Variants in SLC25A21 observed in about 807,000 individuals in gnomAD.
SLC25A21 encodes solute carrier family 25 member 21.
A neutral mutation model predicts 43.8 loss-of-function variants in SLC25A21; 47 were observed. The ratio of observed to expected loss-of-function variants is 1.07; its 90% CI spans 0.85 to 1.37. The LOEUF (loss-of-function observed/expected upper bound fraction) is 1.37, where lower values mean the gene tolerates loss of function less well. Ranked by LOEUF, SLC25A21 falls within the 40% of genes most tolerant of loss-of-function variation. The pLI, the probability that SLC25A21 is intolerant of heterozygous loss-of-function variation, is 0.00. For synonymous variants in SLC25A21, 131 were observed against 121.3 expected, an observed-to-expected ratio of 1.08 and a Z score of -0.52; for missense variants, 352 against 350.2, an observed-to-expected ratio of 1.00 and a Z score of -0.04.
At chr14:36,816,975 T>TA (rs1566643065) in intron 2 of SLC25A21, among the ~76,000 whole-genome samples, 4 of 152,028 alleles carry the variant, frequency 2.6e-5, no homozygotes, top group Non-Finnish European at 4.4e-5. Context: ...AACTGTTCTT[T>TA]AAAAAAATAT....
chr14:37,076,736 G>A (rs986008912), intron 1 of SLC25A21, among the ~76,000 whole-genome samples: 27 of 151,912 alleles, frequency 1.8e-4, no homozygotes, highest in African/African-American at 6.0e-4. Flanking sequence ...TGCCCACCTC[G>A]GCCTCCCAAA....
chr14:37,141,582 T>A (rs1259481306), intron 1 of SLC25A21, among the ~76,000 whole-genome samples: 1 of 152,222 alleles, frequency 6.6e-6, no homozygotes, highest in Non-Finnish European at 1.5e-5. Flanking sequence ...TCTCACACAT[T>A]CAAATTTGAG....
At position 36,679,501 on chromosome 14, in the gene SLC25A21, T is replaced by C; in HGVS notation, c.*1157A>G. 1.0e-6 allele frequency: 1 copy of C among 985,428 alleles called. No individual in the cohort carries two copies. Among genetic ancestry groups the C allele is most frequent in the South Asian group, 4.7e-5 (1 of 21,290 alleles). The allele number at this position is 985,428 out of a possible 1,614,324, so 61.0% of individuals were successfully genotyped here. On this transcript the variant is annotated 3_prime_UTR_variant, in exon 10 of 10. Transcript: ENST00000331299. ...TGTTGACTTTACTGAATCAGCATCA[T>C]CTCTGGATGCAGATATAAAATCAAG... is the stretch of plus-strand genomic sequence containing the variant.
At chr14:36,816,962 T>G in intron 2 of SLC25A21, among the ~76,000 whole-genome samples, 1 of 132,206 alleles carries the variant, frequency 7.6e-6, no homozygotes, top group South Asian at 2.7e-4. Flanking sequence ...AAGACTCTTC[T>G]CTAACTGTTC....
At chr14:36,893,553 T>C (rs1324324260) in intron 1 of SLC25A21, among the ~76,000 whole-genome samples, 1 of 152,226 alleles carries the variant, frequency 6.6e-6, no homozygotes. Flanking sequence ...TTTAATTAGA[T>C]CCCATTTGTC....
At chr14:36,944,791 CCAAA>C (rs758426310) in intron 1 of SLC25A21, among the ~76,000 whole-genome samples, 14 of 152,138 alleles carry the variant, frequency 9.2e-5, no homozygotes, top group South Asian at 8.3e-4. Flanking sequence ...ACCTCAAAAG[CCAAA>C]CAAACACTGA....
intron 1 of SLC25A21, among the ~76,000 whole-genome samples, chr14:37,085,699 C>T (rs1962470957): frequency 6.6e-6 from 1 of 152,210 alleles, no homozygotes; most frequent in African/African-American, 2.4e-5. Flanking sequence ...ATTCACTCGA[C>T]TGAAGTGTAG....
At chr14:37,123,577 TA>T (rs1963248263) in intron 1 of SLC25A21, among the ~76,000 whole-genome samples, 1 of 152,156 alleles carries the variant, frequency 6.6e-6, no homozygotes, top group African/African-American at 2.4e-5. Flanking sequence ...TTTAATTAAA[TA>T]AATTATGGCA....
chr14:37,102,404 A>G (rs186626619), intron 1 of SLC25A21, among the ~76,000 whole-genome samples: 64 of 151,508 alleles, frequency 4.2e-4, no homozygotes, highest in African/African-American at 9.7e-5. Context: ...GATCATGCCA[A>G]TGCACTCCAG....
intron 3 of SLC25A21, among the ~76,000 whole-genome samples, chr14:36,736,807 T>C (rs1885060332): frequency 6.6e-6 from 1 of 152,210 alleles, no homozygotes; most frequent in African/African-American, 2.4e-5. Flanking sequence ...TTGAAAGGTG[T>C]GTGTTAAGGA....
At chr14:36,713,752 G>A (rs1201689519) in intron 6 of SLC25A21, among the ~76,000 whole-genome samples, 1 of 152,134 alleles carries the variant, frequency 6.6e-6, no homozygotes, top group Admixed American at 6.6e-5. Flanking sequence ...GGGAGGCGGA[G>A]GCAGGAGGAG....
chr14:37,111,837 T>C (rs1963024334), intron 1 of SLC25A21, among the ~76,000 whole-genome samples: 1 of 152,212 alleles, frequency 6.6e-6, no homozygotes, highest in Non-Finnish European at 1.5e-5. Flanking sequence ...AAGTTGAATT[T>C]GTAGACAGCC....
At chr14:36,827,997 G>C (rs1925684) in intron 2 of SLC25A21, among the ~76,000 whole-genome samples, 1 of 151,924 alleles carries the variant, frequency 6.6e-6, no homozygotes, top group Admixed American at 6.6e-5. Flanking sequence ...TCCTAAATGA[G>C]TGTGGCTTCA....
chr14:36,804,854 C>G (rs570672195), intron 3 of SLC25A21, among the ~76,000 whole-genome samples: 1 of 152,206 alleles, frequency 6.6e-6, no homozygotes, highest in South Asian at 2.1e-4. Flanking sequence ...TGAAAATGTT[C>G]GGTTTTAACG....
At chr14:37,097,453 G>A (rs985936434) in intron 1 of SLC25A21, among the ~76,000 whole-genome samples, 1 of 152,046 alleles carries the variant, frequency 6.6e-6, no homozygotes, top group Non-Finnish European at 1.5e-5. Context: ...CCTGGGGGAG[G>A]TAGGCAATTG....
At chr14:37,040,369 GAGAGAGAAAGAAAGAAAGAA>G (rs1346274818) in intron 1 of SLC25A21, among the ~76,000 whole-genome samples, 304 of 28,302 alleles carry the variant, frequency 0.011, 34 homozygotes, top group Middle Eastern at 0.017. Context: ...AAGAGAGAGA[GAGAGAGAAAGAAAGAAAGAA>G]AGAAAGAAAG....
intron 1 of SLC25A21, among the ~76,000 whole-genome samples, chr14:37,128,942 A>G (rs1217839351): frequency 6.6e-6 from 1 of 152,150 alleles, no homozygotes; most frequent in African/African-American, 2.4e-5. Flanking sequence ...ATGCTGTTCA[A>G]TACAGTAAAA....
intron 3 of SLC25A21, among the ~76,000 whole-genome samples, chr14:36,790,249 G>C (rs1409828361): frequency 6.6e-6 from 1 of 151,732 alleles, no homozygotes; most frequent in Non-Finnish European, 1.5e-5. Context: ...TTAGCTCAAA[G>C]GAAATGTCCA....
At chr14:36,886,977 G>A (rs1280426880) in intron 1 of SLC25A21, among the ~76,000 whole-genome samples, 3 of 152,038 alleles carry the variant, frequency 2.0e-5, no homozygotes, top group Non-Finnish European at 2.9e-5. Flanking sequence ...ACAATGCAAC[G>A]AGAAACACCA....
Sources: allele counts gnomAD v4.1 joint callset (sites outside exome capture counted in the v4.1 genomes callset), GRCh38; gene constraint gnomAD v4.1.1; transcripts MANE v1.5; gene names NCBI Gene and HGNC (gene_info 2026-07-23, HGNC 2026-07-21).